Variants in ZCCHC24 observed in about 807,000 individuals in gnomAD.
ZCCHC24 encodes the protein zinc finger CCHC domain-containing protein 24.
In ZCCHC24, 10 loss-of-function variants were observed where a neutral mutation model predicts 26.2. The observed-to-expected ratio is 0.38, with a 90% confidence interval of 0.24 to 0.65. The LOEUF (loss-of-function observed/expected upper bound fraction) is 0.65. ZCCHC24 is among the 30% of genes least tolerant of loss of function. The pLI is 0.54. For synonymous variants in ZCCHC24, 144 were observed against 147.1 expected (o/e 0.98, Z 0.15); for missense variants, 243 against 329.1 (o/e 0.74, Z 2.03).
At chr10:79,388,556 G>A (rs1244937932) in intron 3 of ZCCHC24, among the ~76,000 whole-genome samples, 2 of 152,124 alleles carry the variant, frequency 1.3e-5, no homozygotes, top group South Asian at 2.1e-4. Flanking sequence ...CCCAAAGGAC[G>A]GTCTGATCAG....
intron 3 of ZCCHC24, among the ~76,000 whole-genome samples, chr10:79,388,870 G>T (rs1172963289): frequency 6.6e-6 from 1 of 152,230 alleles, no homozygotes; most frequent in East Asian, 1.9e-4. Context: ...GGCAACTGAG[G>T]CTCCAAGACG....
intron 1 of ZCCHC24, among the ~76,000 whole-genome samples, chr10:79,433,241 G>A (rs764632830): frequency 7.2e-5 from 11 of 152,216 alleles, no homozygotes; most frequent in Non-Finnish European, 1.3e-4. Context: ...ACCTTGTAAG[G>A]AAAGGGAATG....
chr10:79,386,976 G>A (rs889951516), intron 3 of ZCCHC24, among the ~76,000 whole-genome samples: 10 of 152,120 alleles, frequency 6.6e-5, no homozygotes, highest in East Asian at 1.9e-4. Context: ...AGCATCCGGC[G>A]CCTCTTCCCT....
chr10:79,397,194 G>A (rs1439090507), intron 2 of ZCCHC24, among the ~76,000 whole-genome samples: 1 of 152,198 alleles, frequency 6.6e-6, no homozygotes, highest in Admixed American at 6.5e-5. Context: ...GATCTCCTGG[G>A]CCCACTGCCT....
At chr10:79,387,067 G>T (rs1221051280) in intron 3 of ZCCHC24, among the ~76,000 whole-genome samples, 2 of 152,176 alleles carry the variant, frequency 1.3e-5, no homozygotes, top group African/African-American at 4.8e-5. Context: ...ACAGTGCTTC[G>T]GGCTTGTGGT....
intron 2 of ZCCHC24, among the ~76,000 whole-genome samples, chr10:79,418,394 C>A (rs1312868223): frequency 6.6e-6 from 1 of 152,174 alleles, no homozygotes; most frequent in Non-Finnish European, 1.5e-5. Context: ...CTTCTGACCC[C>A]AAGGCCATGC....
chr10:79,409,742 C>T (rs1856766024), intron 2 of ZCCHC24, among the ~76,000 whole-genome samples: 1 of 152,230 alleles, frequency 6.6e-6, no homozygotes, highest in African/African-American at 2.4e-5. Context: ...AGGGAACGGG[C>T]TCAATAGGGC....
intron 1 of ZCCHC24, among the ~76,000 whole-genome samples, chr10:79,437,312 C>T (rs561240246): frequency 7.9e-5 from 12 of 152,316 alleles, no homozygotes; most frequent in Non-Finnish European, 1.2e-4. Flanking sequence ...CTCAGCCTCC[C>T]AAAATGCTGG....
intron 3 of ZCCHC24, among the ~76,000 whole-genome samples, chr10:79,390,598 C>A (rs1451130972): frequency 6.6e-6 from 1 of 152,228 alleles, no homozygotes; most frequent in South Asian, 2.1e-4. Context: ...CTCGACTGCT[C>A]AGCCCTGCTT....
At chr10:79,435,895 A>G (rs1478818698) in intron 1 of ZCCHC24, among the ~76,000 whole-genome samples, 1 of 147,162 alleles carries the variant, frequency 6.8e-6, no homozygotes, top group Non-Finnish European at 1.5e-5. Context: ...ACTGGATGGA[A>G]CAGAGGCCAG....
chr10:79,405,745 G>A (rs1856703299), intron 2 of ZCCHC24, among the ~76,000 whole-genome samples: 1 of 152,240 alleles, frequency 6.6e-6, no homozygotes, highest in South Asian at 2.1e-4. Context: ...ACAGCCCTGG[G>A]AGGAGGGGAC....
At chr10:79,395,185 G>A (rs894708166) in intron 2 of ZCCHC24, among the ~76,000 whole-genome samples, 3 of 151,650 alleles carry the variant, frequency 2.0e-5, no homozygotes, top group African/African-American at 7.3e-5. Flanking sequence ...CTGGGGCTAC[G>A]TAGGTGCATA....
At chr10:79,390,202 T>C (rs911905428) in intron 3 of ZCCHC24, among the ~76,000 whole-genome samples, 4 of 152,188 alleles carry the variant, frequency 2.6e-5, no homozygotes, top group Non-Finnish European at 5.9e-5. Flanking sequence ...TTTATAACCA[T>C]AAAAAGCTCC....
Position 79,445,187 on chromosome 10 carries a change from G to T in ZCCHC24, c.246+8C>A, listed in dbSNP as rs1329798002. On this transcript the variant is annotated splice_region_variant and intron_variant, in intron 1 of 3. Coordinates refer to ENST00000372336, the MANE Select transcript of ZCCHC24 (RefSeq NM_153367.4). ...GGGCGGTGGGCGGGGGCGCGCGGGGGCACCCACCTCTCCGCGCTGCAGCTG... is the reference window on the plus strand; with the variant it reads ...GGGCGGTGGGCGGGGGCGCGCGGGGTCACCCACCTCTCCGCGCTGCAGCTG... 6 of 1,276,718 alleles carry T rather than the reference G, an allele frequency of 4.7e-6. No individual in the cohort carries two copies. The highest frequency in any genetic ancestry group is 6.0e-6 in the Non-Finnish European group (6 of 1,006,332). The allele number at this position is 1,276,718 out of a possible 1,614,324, so 79.1% of individuals were successfully genotyped here.
At chr10:79,430,483 G>A (rs1857109530) in intron 2 of ZCCHC24, among the ~76,000 whole-genome samples, 1 of 151,916 alleles carries the variant, frequency 6.6e-6, no homozygotes, top group South Asian at 2.1e-4. Flanking sequence ...ACCTCCCCAA[G>A]ACTGTAAAAT....
intron 1 of ZCCHC24, among the ~76,000 whole-genome samples, chr10:79,439,651 G>T (rs1184811037): frequency 6.6e-6 from 1 of 152,122 alleles, no homozygotes; most frequent in Non-Finnish European, 1.5e-5. Flanking sequence ...AATTAGCCAG[G>T]TGTGGTGGCA....
chr10:79,433,037 C>T (rs1340838347), intron 1 of ZCCHC24, among the ~76,000 whole-genome samples: 2 of 152,190 alleles, frequency 1.3e-5, no homozygotes, highest in Non-Finnish European at 2.9e-5. Flanking sequence ...AGTAGTTTAT[C>T]TCATGCCTGG....
At chr10:79,427,085 A>G (rs1364042497) in intron 2 of ZCCHC24, among the ~76,000 whole-genome samples, 2 of 152,152 alleles carry the variant, frequency 1.3e-5, no homozygotes, top group Non-Finnish European at 2.9e-5. Flanking sequence ...AAAAACAGTT[A>G]CTAGAGAAAA....
chr10:79,412,013 G>A (rs76941091), intron 2 of ZCCHC24, among the ~76,000 whole-genome samples: 2,079 of 152,244 alleles, frequency 0.014, 44 homozygotes, highest in African/African-American at 0.046. Context: ...CCAGAATCTC[G>A]CGAGTGGGAG....
Sources: gnomAD v4.1 joint callset for allele counts (sites outside exome capture counted in the v4.1 genomes callset) on GRCh38, gnomAD v4.1.1 for gene constraint, MANE v1.5 for transcripts, NCBI Gene and HGNC (gene_info 2026-07-23, HGNC 2026-07-21) for gene names.